The following SNX27 variants were observed in gnomAD, a reference collection of about 807,000 sequenced individuals.
SNX27 encodes sorting nexin 27.
SNX27 carries 22 observed loss-of-function variants against 71.6 expected under a neutral mutation model. That is an observed-to-expected ratio of 0.31 (90% confidence interval 0.22 to 0.44). The LOEUF (loss-of-function observed/expected upper bound fraction) is 0.44. SNX27 is among the 20% of genes least tolerant of loss of function. The probability of loss-of-function intolerance (pLI) is 1.00; values close to 1 mark genes in which losing one functional copy is unlikely to be tolerated. For synonymous variants in SNX27, 269 were observed against 277.2 expected (o/e 0.97, Z 0.29); for missense variants, 531 against 698.6 (o/e 0.76, Z 2.70).
intron 1 of SNX27, among the ~76,000 whole-genome samples, chr1:151,620,290 C>T (rs1334105035): frequency 2.0e-5 from 3 of 151,988 alleles, no homozygotes; most frequent in African/African-American, 4.8e-5. Context: ...GCATTAATAC[C>T]CAGGACTTCC....
At position 151,638,948 on chromosome 1, in the gene SNX27, C is replaced by T. The variant is rs764916423; in HGVS notation, c.372C>T (p.Gly124=). The change falls in exon 2 of 12, where the codon GGC becomes GGT. Residue 124 remains glycine (G), a synonymous_variant. Coordinates refer to ENST00000458013, the MANE Select transcript of SNX27 (RefSeq NM_001330723.2). The stretch of plus-strand genomic sequence containing the variant: ...AGGTGGTGGACCTGATTCGAGCAGG[C>T]GAGAAGGAATTGATCTTGACAGTGT... ...HKQVVDLIRA[G]EKELILTVLS... 4 of 1,613,992 alleles carry T rather than the reference C, an allele frequency of 2.5e-6. No individual in the cohort carries two copies. Among genetic ancestry groups the T allele is most frequent in the East Asian group, 2.2e-5 (1 of 44,884 alleles).
intron 2 of SNX27, among the ~76,000 whole-genome samples, chr1:151,648,355 C>T (rs1471359902): frequency 3.9e-5 from 6 of 152,086 alleles, no homozygotes; most frequent in African/African-American, 2.4e-5. Context: ...CCACGCCTGG[C>T]GTTAAAGAGA....
chr1:151,631,232 A>G (rs1272581093), intron 1 of SNX27, among the ~76,000 whole-genome samples: 1 of 152,204 alleles, frequency 6.6e-6, no homozygotes, highest in Non-Finnish European at 1.5e-5. Flanking sequence ...TAAGCAGTGA[A>G]CCAGTGAAAA....
At chr1:151,632,306 C>T (rs887546859) in intron 1 of SNX27, among the ~76,000 whole-genome samples, 3 of 151,626 alleles carry the variant, frequency 2.0e-5, no homozygotes, top group East Asian at 1.9e-4. Flanking sequence ...TACAGGCATG[C>T]GCCACCACGC....
intron 7 of SNX27, among the ~76,000 whole-genome samples, chr1:151,675,632 C>T (rs1670653387): frequency 6.6e-6 from 1 of 151,570 alleles, no homozygotes; most frequent in South Asian, 2.1e-4. Context: ...AGCAATCCTC[C>T]CACCTCTGCT....
At chr1:151,693,877 A>C in intron 11 of SNX27, 1 of 1,401,988 alleles carries the variant, frequency 7.1e-7, no homozygotes, top group South Asian at 1.7e-5. Flanking sequence ...TAGGCGAACC[A>C]AGAATGTTTG....
chr1:151,614,764 A>G (rs1036177451), intron 1 of SNX27, among the ~76,000 whole-genome samples: 3 of 152,212 alleles, frequency 2.0e-5, no homozygotes, highest in African/African-American at 4.8e-5. Context: ...TAAATTTAAA[A>G]CTAAAGCATT....
At chr1:151,683,301 G>A in intron 7 of SNX27, 55 bp from the exon 8 acceptor site, 1 of 1,406,266 alleles carries the variant, frequency 7.1e-7, no homozygotes, top group South Asian at 1.2e-5. Context: ...CATCGAGAAT[G>A]TACATAATAA....
chr1:151,679,497 A>G (rs1670845517), intron 7 of SNX27: 1 of 152,242 alleles, frequency 6.6e-6, no homozygotes, highest in Admixed American at 6.5e-5. Context: ...TAAAAAGCGT[A>G]AACTTGCAAG....
At chr1:151,681,170 T>C in intron 7 of SNX27, among the ~76,000 whole-genome samples, 1 of 151,736 alleles carries the variant, frequency 6.6e-6, no homozygotes, top group East Asian at 1.9e-4. Flanking sequence ...GTGAAAGGGT[T>C]TACATGACTT....
At chr1:151,675,480 G>A (rs1670642875) in intron 7 of SNX27, among the ~76,000 whole-genome samples, 1 of 151,030 alleles carries the variant, frequency 6.6e-6, no homozygotes, top group Non-Finnish European at 1.5e-5. Flanking sequence ...TTTTTTATAT[G>A]TCATTTATGA....
intron 2 of SNX27, among the ~76,000 whole-genome samples, chr1:151,643,819 C>T (rs1668900872): frequency 6.6e-6 from 1 of 151,956 alleles, no homozygotes; most frequent in Admixed American, 6.6e-5. Flanking sequence ...TGCCAGCACG[C>T]TCGGCTAATT....
Position 151,612,063 on chromosome 1 carries a change from A to G in SNX27, c.-139A>G. 4.2e-6 allele frequency: 4 copies of G among 959,806 alleles called. No individual in the cohort carries two copies. The highest frequency in any genetic ancestry group is 5.5e-6 in the Non-Finnish European group (4 of 722,156). The allele number at this position is 959,806 out of a possible 1,614,324, so 59.5% of individuals were successfully genotyped here. A position where few individuals can be genotyped will look rare whatever the true frequency, so the allele number is the denominator to read the frequency against. On this transcript the variant is annotated 5_prime_UTR_variant, in exon 1 of 12. Coordinates refer to ENST00000458013, the MANE Select transcript of SNX27 (RefSeq NM_001330723.2). This position sits in a 1 kb window ranked among gnomAD's most constrained non-coding sequence, Gnocchi z 5.2. ...TGCCTCCTCTTCACCCCGCGCCAGC[A>G]GCTCGGTGGCCGAGTCGGTCCCGCG...
At chr1:151,637,160 TTG>T (rs1409057432) in intron 1 of SNX27, among the ~76,000 whole-genome samples, 1 of 18,514 alleles carries the variant, frequency 5.4e-5, no homozygotes, top group South Asian at 8.7e-4. Context: ...CACGTTTTTT[TTG>T]TTTTTTTGTT....
chr1:151,651,866 G>A (rs1444480975), intron 2 of SNX27, among the ~76,000 whole-genome samples: 1 of 151,986 alleles, frequency 6.6e-6, no homozygotes, highest in Non-Finnish European at 1.5e-5. Context: ...GGAGGTGGAG[G>A]TTGTAGCGAG....
intron 7 of SNX27, among the ~76,000 whole-genome samples, chr1:151,669,925 T>A (rs556939483): frequency 4.1e-4 from 62 of 152,290 alleles, no homozygotes; most frequent in African/African-American, 1.5e-3. Flanking sequence ...TTTAAAAATG[T>A]ACAATTAAAT....
At chr1:151,634,601 T>C (rs182212947) in intron 1 of SNX27, among the ~76,000 whole-genome samples, 227 of 152,320 alleles carry the variant, frequency 1.5e-3, no homozygotes, top group South Asian at 5.6e-3. Context: ...GTTGGTCTTA[T>C]GTAAAAGTAA....
rs780802467 is a variant in SNX27, at chr1:151,683,462, A to G, written c.1239+17A>G. 1 of 1,591,906 alleles carries G rather than the reference A, an allele frequency of 6.3e-7. No individual in the cohort carries two copies. Among genetic ancestry groups the G allele is most frequent in the Non-Finnish European group, 8.6e-7 (1 of 1,164,312 alleles). On this transcript the variant is annotated intron_variant, in intron 8 of 11. Transcript: ENST00000458013. ...ATGGTCATGGTAAGTTTATGTCCCC[A>G]TAATCCCTTTAAAAATGCCCCTTCC...
chr1:151,646,618 T>C (rs1341112651), intron 2 of SNX27, among the ~76,000 whole-genome samples: 2 of 148,472 alleles, frequency 1.3e-5, no homozygotes, highest in Admixed American at 6.8e-5. Flanking sequence ...AGTACATATA[T>C]ATTATATATA....
Sources: allele counts gnomAD v4.1 joint callset (sites outside exome capture counted in the v4.1 genomes callset), GRCh38; gene constraint gnomAD v4.1.1; non-coding constraint Gnocchi (gnomAD v3.1); transcripts MANE v1.5; gene names NCBI Gene and HGNC (gene_info 2026-07-23, HGNC 2026-07-21).